The following MTR variants were observed in gnomAD, a reference collection of about 807,000 sequenced individuals.
MTR encodes the protein 5-methyltetrahydrofolate-homocysteine methyltransferase, also known as methionine synthase.
In MTR, 84 loss-of-function variants were observed where a neutral mutation model predicts 154.8. The ratio of observed to expected loss-of-function variants is 0.54; its 90% CI spans 0.45 to 0.65. The LOEUF (loss-of-function observed/expected upper bound fraction) is 0.65, where lower values mean the gene tolerates loss of function less well. Among genes scored for constraint, MTR ranks in the 30% least tolerant of loss-of-function variants. The pLI, the probability that MTR is intolerant of heterozygous loss-of-function variation, is 0.00. For missense variants in MTR, 1,275 were observed against 1,570.2 expected (o/e 0.81, Z 3.18); for synonymous variants, 554 against 553.9 (o/e 1.00, Z 0.00).
rs758448564 is a variant in MTR, at chr1:236,895,348, G to T, written c.3406-10G>T. 1.9e-6 allele frequency: 3 copies of T among 1,587,104 alleles called. No individual in the cohort carries two copies. Among genetic ancestry groups the T allele is most frequent in the Non-Finnish European group, 2.6e-6 (3 of 1,165,366 alleles). On this transcript the variant is annotated splice_polypyrimidine_tract_variant and intron_variant, in intron 30 of 32. Coordinates refer to ENST00000366577, the MANE Select transcript of MTR (RefSeq NM_000254.3). ...TCTGCCTAAGCATGCCTGCTGCTTT[G>T]GGTCCCAAGGCCTTTGCAGAAGAGC...
intron 25 of MTR, among the ~76,000 whole-genome samples, chr1:236,882,506 T>C (rs1241840921): frequency 7.7e-6 from 1 of 129,754 alleles, no homozygotes; most frequent in East Asian, 2.4e-4. Flanking sequence ...TTCTCCTGCC[T>C]CAGCCTCACA....
At position 236,901,719 on chromosome 1, in the gene MTR, G is replaced by C. The variant is rs1268304973; in HGVS notation, c.*4075G>C. On this transcript the variant is annotated 3_prime_UTR_variant, in exon 33 of 33. Transcript: ENST00000366577. ...TTCTCATGTTCTCACAGTGGGTGGA[G>C]GGTAAGCTTGCTCTCTGGCCTCCTC... is the stretch of plus-strand genomic sequence containing the variant. 6.6e-6 allele frequency: 1 copy of C among 152,192 alleles called. No homozygotes were observed. Among genetic ancestry groups the C allele is most frequent in the Non-Finnish European group, 1.5e-5 (1 of 68,060 alleles). The allele number at this position is 152,192 out of a possible 1,614,324, so 9.4% of individuals were successfully genotyped here.
chr1:236,875,283 G>T (rs984097326), intron 24 of MTR, among the ~76,000 whole-genome samples: 6 of 152,182 alleles, frequency 3.9e-5, no homozygotes, highest in Non-Finnish European at 5.9e-5. Context: ...CTCTAACCTT[G>T]TAGTAGTTTG....
chr1:236,883,514 C>G (rs1665865424), intron 25 of MTR, among the ~76,000 whole-genome samples: 1 of 152,188 alleles, frequency 6.6e-6, no homozygotes, highest in South Asian at 2.1e-4. Context: ...AGTGTATAAT[C>G]TAGCAAAATG....
intron 22 of MTR, among the ~76,000 whole-genome samples, chr1:236,865,815 A>G (rs1400357813): frequency 6.6e-6 from 1 of 150,796 alleles, no homozygotes; most frequent in Non-Finnish European, 1.5e-5. Context: ...TGTTGTTGTC[A>G]TTTTGGTTCC....
rs1161532570 is a variant in MTR, at chr1:236,898,876, C to T, written c.*1232C>T. 1.3e-5 allele frequency: 2 copies of T among 152,170 alleles called. No individual in the cohort carries two copies. The highest frequency in any genetic ancestry group is 4.8e-5 in the African/African-American group (2 of 41,430). The allele number at this position is 152,170 out of a possible 1,614,324, so 9.4% of individuals were successfully genotyped here. ...AGTAATGAAGAATGGTGCCACCACT[C>T]AAGCAACAAGCCTCAAACTCAACCA... On this transcript the variant is annotated 3_prime_UTR_variant, in exon 33 of 33. Coordinates refer to ENST00000366577, the MANE Select transcript of MTR (RefSeq NM_000254.3).
At chr1:236,860,262 G>A (rs1664460587) in intron 19 of MTR, among the ~76,000 whole-genome samples, 1 of 152,120 alleles carries the variant, frequency 6.6e-6, no homozygotes. Context: ...CCGAGGCTGC[G>A]AATCCTGTCC....
At chr1:236,842,781 G>GATATATATAT (rs1383555055) in intron 15 of MTR, among the ~76,000 whole-genome samples, 3 of 64,374 alleles carry the variant, frequency 4.7e-5, no homozygotes, top group Non-Finnish European at 8.7e-5. Flanking sequence ...AAAAAAAAAA[G>GATATATATAT]ATGTATATAT....
rs1667014083 is a variant in MTR, at chr1:236,903,595, A to G, written c.*5951A>G. ...TTAAATGGTTTTTGAGAACCTTGAGAGTGTATATTCTATGAAATGGAAGAA... is the reference window on the plus strand; with the variant it reads ...TTAAATGGTTTTTGAGAACCTTGAGGGTGTATATTCTATGAAATGGAAGAA... On this transcript the variant is annotated 3_prime_UTR_variant, in exon 33 of 33. Coordinates refer to ENST00000366577, the MANE Select transcript of MTR (RefSeq NM_000254.3). 6.6e-6 allele frequency: 1 copy of G among 152,188 alleles called. No individual in the cohort carries two copies. The highest frequency in any genetic ancestry group is 2.4e-5 in the African/African-American group (1 of 41,438). The allele number at this position is 152,188 out of a possible 1,614,324, so 9.4% of individuals were successfully genotyped here.
At chr1:236,834,855 T>C (rs1347610697) in intron 13 of MTR, among the ~76,000 whole-genome samples, 1 of 152,156 alleles carries the variant, frequency 6.6e-6, no homozygotes, top group Admixed American at 6.5e-5. Context: ...CGATCATAAG[T>C]GGGAAATGCT....
At chr1:236,841,735 T>TA (rs554018913) in intron 15 of MTR, among the ~76,000 whole-genome samples, 157 of 152,254 alleles carry the variant, frequency 1.0e-3, no homozygotes, top group African/African-American at 3.5e-3. Context: ...TTTGAAACCT[T>TA]ACGTGTCAGA....
At position 236,880,759 on chromosome 1, in the gene MTR, C is replaced by T; in HGVS notation, c.2599C>T (p.His867Tyr). Residue 867 changes from histidine (H) to tyrosine (Y), a missense_variant, in exon 25 of 33, where the codon CAC becomes TAC. His to Tyr is a moderately conservative substitution (Grantham distance 83). Coordinates refer to ENST00000366577, the MANE Select transcript of MTR (RefSeq NM_000254.3). ...CTTTCTGACCCTTCTTTTTAGAACC[C>T]ACACAGCAGTTAAAATAGCTCCGAG... ...LIGGATTSKT[H>Y]TAVKIAPRYS... The T allele has an allele frequency of 6.2e-7, 1 of 1,613,936 alleles. No homozygotes were observed. Among genetic ancestry groups the T allele is most frequent in the Non-Finnish European group, 8.5e-7 (1 of 1,179,886 alleles).
chr1:236,834,400 G>A (rs1349162234), intron 13 of MTR, among the ~76,000 whole-genome samples: 2 of 152,140 alleles, frequency 1.3e-5, no homozygotes, highest in Admixed American at 6.5e-5. Context: ...GGCTGGTCTT[G>A]AACTCTTGAC....
intron 18 of MTR, among the ~76,000 whole-genome samples, chr1:236,855,135 A>G (rs1664133006): frequency 6.6e-6 from 1 of 152,192 alleles, no homozygotes; most frequent in Admixed American, 6.5e-5. Context: ...CATGAAGAGC[A>G]GGAATATTAT....
intron 28 of MTR, among the ~76,000 whole-genome samples, chr1:236,890,261 C>T (rs781201608): frequency 6.6e-6 from 1 of 152,134 alleles, no homozygotes. Flanking sequence ...TGAATCATCA[C>T]AGGTGAGCTG....
intron 31 of MTR, among the ~76,000 whole-genome samples, chr1:236,896,567 C>T (rs1666635701): frequency 1.3e-5 from 2 of 152,244 alleles, no homozygotes; most frequent in South Asian, 4.1e-4. Context: ...TCTTCTTTCT[C>T]ACAATGTTGT....
intron 16 of MTR, among the ~76,000 whole-genome samples, chr1:236,852,117 G>C (rs1159140000): frequency 6.6e-6 from 1 of 152,168 alleles, no homozygotes; most frequent in Non-Finnish European, 1.5e-5. Context: ...TCATCGGTAT[G>C]GTTGGAACTT....
Position 236,895,530 on chromosome 1 carries a change from C to A in MTR, c.3578C>A (p.Ala1193Glu). 6.3e-7 allele frequency: 1 copy of A among 1,577,770 alleles called. No individual in the cohort carries two copies. Among genetic ancestry groups the A allele is most frequent in the Non-Finnish European group, 8.6e-7 (1 of 1,160,452 alleles). The change falls in exon 31 of 33, where the codon GCA becomes GAA. Residue 1193 changes from alanine (A) to glutamate (E), a missense_variant. Coordinates refer to ENST00000366577, the MANE Select transcript of MTR (RefSeq NM_000254.3). ...HTEKLTMWRL[A>E]DIEQSTGIRL... ...GAGAAGCTCACCATGTGGAGACTCGCAGACATCGAGCAGTCTACAGGTAGG... is the reference window on the plus strand; with the variant it reads ...GAGAAGCTCACCATGTGGAGACTCGAAGACATCGAGCAGTCTACAGGTAGG...
chr1:236,850,322 C>T (rs773127447), intron 15 of MTR, 22 bp from the exon 16 acceptor site: 2 of 1,586,976 alleles, frequency 1.3e-6, no homozygotes, highest in Non-Finnish European at 8.6e-7. Flanking sequence ...TTTCAAACTA[C>T]ATCTTTTGCT....
Sources: gnomAD v4.1 joint callset for allele counts (sites outside exome capture counted in the v4.1 genomes callset) on GRCh38, gnomAD v4.1.1 for gene constraint, MANE v1.5 for transcripts, NCBI Gene and HGNC (gene_info 2026-07-23, HGNC 2026-07-21) for gene names.